ZBBX: variants seen among roughly 807,000 people sequenced by gnomAD.
ZBBX encodes zinc finger B-box domain containing.
Under a neutral mutation model 108.5 loss-of-function variants are expected in ZBBX, and 101 were observed. The ratio of observed to expected loss-of-function variants is 0.93; its 90% CI spans 0.79 to 1.10. The LOEUF (loss-of-function observed/expected upper bound fraction) is 1.10. Among genes scored for constraint, ZBBX ranks in the 50% least tolerant of loss-of-function variants. ZBBX has a pLI of 0.00. For synonymous variants in ZBBX, 356 were observed against 323.4 expected, an observed-to-expected ratio of 1.10 and a Z score of -1.08; for missense variants, 1,009 against 941.4, an observed-to-expected ratio of 1.07 and a Z score of -0.94.
intron 2 of ZBBX, among the ~76,000 whole-genome samples, chr3:167,378,298 T>A (rs953482038): frequency 1.3e-5 from 2 of 152,178 alleles, no homozygotes; most frequent in Non-Finnish European, 2.9e-5. Context: ...TTTTTTATGC[T>A]CTATAGGCAG....
At position 167,242,532 on chromosome 3, in the gene ZBBX, C is replaced by G; in HGVS notation, c.2366G>C (p.Arg789Thr). The change falls in exon 21 of 22, where the codon AGG (arginine) becomes ACG (threonine). Residue 789 changes from arginine to threonine, a missense_variant. Transcript: ENST00000675490. ...STDFLKTSHV[R>T]GPCGVEELSC... ...CAATTCCTCAACTCCACAGGGACCC[C>G]TCACATGTGAGGTCTTAAGGAAATC... The G allele has an allele frequency of 1.9e-6, 3 of 1,612,678 alleles. No individual in the cohort carries two copies. The highest frequency in any genetic ancestry group is 2.5e-6 in the Non-Finnish European group (3 of 1,179,358).
At chr3:167,344,074 G>A (rs751712894) in intron 9 of ZBBX, among the ~76,000 whole-genome samples, 6 of 151,764 alleles carry the variant, frequency 4.0e-5, no homozygotes, top group East Asian at 3.9e-4. Context: ...GCACAACATG[G>A]ATGAACATTG....
chr3:167,202,428 C>G, the ZBBX span, among the ~76,000 whole-genome samples: 3 of 152,024 alleles, frequency 2.0e-5, no homozygotes, highest in African/African-American at 7.2e-5. Flanking sequence ...AATAATTTAG[C>G]AAACTAAACT....
At chr3:167,205,171 C>G in the ZBBX span, among the ~76,000 whole-genome samples, 2,004 of 152,134 alleles carry the variant, frequency 0.013, 53 homozygotes, top group African/African-American at 0.046. Context: ...TTTGACCCCT[C>G]ATTAAAACCG....
chr3:167,317,699 T>G (rs1253806986), intron 12 of ZBBX, 102 bp from the exon 13 acceptor site: 2 of 680,690 alleles, frequency 2.9e-6, no homozygotes, highest in African/African-American at 3.7e-5. Flanking sequence ...GTATACAAAA[T>G]TAATGATGAA....
intron 16 of ZBBX, among the ~76,000 whole-genome samples, chr3:167,308,608 C>A (rs6785983): frequency 0.38 from 58,165 of 151,948 alleles, 11,443 homozygotes; most frequent in Non-Finnish European, 0.43. Flanking sequence ...TACATATACA[C>A]CATGGAATAC....
At chr3:167,267,776 A>G (rs1671800242) in intron 20 of ZBBX, among the ~76,000 whole-genome samples, 2 of 152,190 alleles carry the variant, frequency 1.3e-5, no homozygotes, top group Admixed American at 1.3e-4. Context: ...AACTAGGGAA[A>G]AGCCCGATCT....
chr3:167,233,972 C>T, the ZBBX span, among the ~76,000 whole-genome samples: 16 of 151,640 alleles, frequency 1.1e-4, no homozygotes, highest in African/African-American at 3.6e-4. Context: ...ATAAAGAATC[C>T]CTTTATATAA....
chr3:167,276,909 T>C (rs1474275417), intron 20 of ZBBX, among the ~76,000 whole-genome samples: 1 of 152,134 alleles, frequency 6.6e-6, no homozygotes. Context: ...GTAGAAACTC[T>C]ACAAGCCAGA....
At chr3:167,193,961 C>T in the ZBBX span, among the ~76,000 whole-genome samples, 1 of 151,648 alleles carries the variant, frequency 6.6e-6, no homozygotes, top group Non-Finnish European at 1.5e-5. Context: ...TTAATGGTTG[C>T]CAGAAGTTAG....
rs988692769 is a variant in ZBBX, at chr3:167,347,690, T to C, written c.528+2730A>G. Among the ~76,000 whole-genome samples, 4 of 152,190 alleles carry C rather than the reference T, an allele frequency of 2.6e-5. 1 individual carries two copies. Among genetic ancestry groups the C allele is most frequent in the Admixed American group, 2.6e-4 (4 of 15,240 alleles). On this transcript the variant is annotated intron_variant, in intron 9 of 21. Coordinates refer to ENST00000675490, the MANE Select transcript of ZBBX (RefSeq NM_001199201.2). ...TATAAAAAAGAGAATAACATCATTA[T>C]AGGTTTAGCTCCCAGCACAGGAAGT... is the stretch of plus-strand genomic sequence containing the variant.
chr3:167,311,074 T>A (rs1327912680), intron 16 of ZBBX, among the ~76,000 whole-genome samples: 1 of 151,916 alleles, frequency 6.6e-6, no homozygotes, highest in African/African-American at 2.4e-5. Flanking sequence ...TCTATAACAA[T>A]CAAGAGAGTG....
At chr3:167,246,231 T>C (rs1038012118) in intron 20 of ZBBX, among the ~76,000 whole-genome samples, 4 of 152,244 alleles carry the variant, frequency 2.6e-5, no homozygotes, top group Non-Finnish European at 5.9e-5. Flanking sequence ...TTTTCACTTC[T>C]ATGTGCACCC....
chr3:167,215,184 A>G, the ZBBX span, among the ~76,000 whole-genome samples: 1 of 152,170 alleles, frequency 6.6e-6, no homozygotes, highest in Non-Finnish European at 1.5e-5. Context: ...CAAAAGATCA[A>G]CAAATCCAGG....
At chr3:167,323,365 G>A (rs757625211) in intron 11 of ZBBX, among the ~76,000 whole-genome samples, 3 of 151,942 alleles carry the variant, frequency 2.0e-5, no homozygotes, top group African/African-American at 4.8e-5. Flanking sequence ...CAGCTGGCCC[G>A]TGATTCACTT....
intron 9 of ZBBX, among the ~76,000 whole-genome samples, chr3:167,340,851 A>G (rs1370442895): frequency 1.3e-5 from 2 of 151,974 alleles, no homozygotes; most frequent in African/African-American, 4.8e-5. Context: ...AAACAGGAGG[A>G]AAATAAATAT....
intron 20 of ZBBX, among the ~76,000 whole-genome samples, chr3:167,268,526 T>C (rs71304619): frequency 0.022 from 3,274 of 152,060 alleles, 49 homozygotes; most frequent in Non-Finnish European, 0.033. Context: ...ATCAGTACCC[T>C]GAACCCACAA....
chr3:167,189,685 A>G, the ZBBX span, among the ~76,000 whole-genome samples: 1 of 152,252 alleles, frequency 6.6e-6, no homozygotes, highest in Non-Finnish European at 1.5e-5. Flanking sequence ...AGAGGAACAT[A>G]CAGACTTCCC....
At chr3:167,262,350 C>A (rs1264127038) in intron 20 of ZBBX, among the ~76,000 whole-genome samples, 2 of 152,224 alleles carry the variant, frequency 1.3e-5, no homozygotes, top group African/African-American at 2.4e-5. Context: ...GTTGCTCTTT[C>A]TGGAGCTGCA....
Sources: gnomAD v4.1 joint callset for allele counts (sites outside exome capture counted in the v4.1 genomes callset) on GRCh38, gnomAD v4.1.1 for gene constraint, MANE v1.5 for transcripts, NCBI Gene and HGNC (gene_info 2026-07-23, HGNC 2026-07-21) for gene names.